Variants in TCF7L1 observed in about 807,000 individuals in gnomAD.
TCF7L1 encodes transcription factor 7-like 1.
TCF7L1 carries 18 observed loss-of-function variants against 63.7 expected under a neutral mutation model. The observed-to-expected ratio is 0.28, with a 90% confidence interval of 0.20 to 0.42. TCF7L1 has a LOEUF of 0.42. TCF7L1 is among the 10% of genes least tolerant of loss of function. The pLI is 1.00. For missense variants in TCF7L1, 654 were observed against 779.3 expected, an observed-to-expected ratio of 0.84 and a Z score of 1.91; for synonymous variants, 355 against 340.9, an observed-to-expected ratio of 1.04 and a Z score of -0.46.
In TCF7L1 at chr2:85,308,467, C is replaced by T. The variant is rs1573037255; in HGVS notation, c.1334-562C>T. 3.6e-5 allele frequency among the ~76,000 whole-genome samples: 4 copies of T among 111,422 alleles called. No homozygotes were observed. The Admixed American group carries it at 3.7e-4, about 10-fold the overall frequency. 73.1% of individuals were successfully genotyped at this position (111,422 alleles called of 152,430 possible). ...TTTCTCTTTCCCTCCCTCTCTTTCCCTCCCTCTCCCCCTCCTTCCCTCCCT... is the reference window on the plus strand; with the variant it reads ...TTTCTCTTTCCCTCCCTCTCTTTCCTTCCCTCTCCCCCTCCTTCCCTCCCT... On this transcript the variant is annotated intron_variant, in intron 11 of 11. Coordinates refer to ENST00000282111, the MANE Select transcript of TCF7L1 (RefSeq NM_031283.3).
chr2:85,150,894 A>G (rs1463018688), intron 3 of TCF7L1, among the ~76,000 whole-genome samples: 1 of 152,166 alleles, frequency 6.6e-6, no homozygotes, highest in Non-Finnish European at 1.5e-5. Context: ...GCCAGAAACA[A>G]TTTCCACTGT....
At chr2:85,244,724 A>G (rs1426752715) in intron 3 of TCF7L1, among the ~76,000 whole-genome samples, 1 of 152,162 alleles carries the variant, frequency 6.6e-6, no homozygotes, top group Non-Finnish European at 1.5e-5. Context: ...GGTCTAGGTT[A>G]GAGACAGAGA....
intron 3 of TCF7L1, among the ~76,000 whole-genome samples, chr2:85,226,687 A>G (rs900667391): frequency 5.3e-5 from 8 of 151,792 alleles, no homozygotes; most frequent in South Asian, 2.1e-4. Flanking sequence ...CCTAGGTCCT[A>G]TGTATTCTCT....
intron 3 of TCF7L1, among the ~76,000 whole-genome samples, chr2:85,154,866 G>C (rs1213150022): frequency 6.6e-6 from 1 of 151,864 alleles, no homozygotes; most frequent in African/African-American, 2.4e-5. Flanking sequence ...GCTTAGGCCA[G>C]AGTGCGGTAG....
intron 5 of TCF7L1, among the ~76,000 whole-genome samples, chr2:85,302,933 A>G (rs905356971): frequency 6.6e-6 from 1 of 152,222 alleles, no homozygotes; most frequent in African/African-American, 2.4e-5. Flanking sequence ...GCTTCCCTAC[A>G]CCAAGACATG....
rs192928642 is a variant in TCF7L1, at chr2:85,289,299, G to A, written c.525+5721G>A. ...GATGACCAAAATGCTTCCTGTCCAG[G>A]TAGATGCCTAATAAATTCTGCTGAG... On this transcript the variant is annotated intron_variant, in intron 4 of 11. Transcript: ENST00000282111. Among the ~76,000 whole-genome samples, 32 of 151,820 alleles carry A rather than the reference G, an allele frequency of 2.1e-4. No individual in the cohort carries two copies. The East Asian group carries it at 5.8e-3, about 28-fold the overall frequency.
chr2:85,146,117 T>C (rs1677874468), intron 3 of TCF7L1, among the ~76,000 whole-genome samples: 1 of 152,228 alleles, frequency 6.6e-6, no homozygotes, highest in African/African-American at 2.4e-5. Flanking sequence ...AACATCAATA[T>C]TAAAAAATAG....
chr2:85,164,777 G>A (rs961704887), intron 3 of TCF7L1, among the ~76,000 whole-genome samples: 5 of 152,226 alleles, frequency 3.3e-5, no homozygotes, highest in Non-Finnish European at 5.9e-5. Context: ...ATGTTTGTGG[G>A]TACATAGTAC....
intron 3 of TCF7L1, among the ~76,000 whole-genome samples, chr2:85,178,621 G>T (rs960295062): frequency 1.3e-5 from 2 of 152,180 alleles, no homozygotes; most frequent in African/African-American, 4.8e-5. Flanking sequence ...TATTTAATGA[G>T]CACTTACTAG....
At chr2:85,188,437 C>A (rs1232029833) in intron 3 of TCF7L1, among the ~76,000 whole-genome samples, 2 of 152,144 alleles carry the variant, frequency 1.3e-5, no homozygotes, top group African/African-American at 4.8e-5. Flanking sequence ...TTTCCAACTT[C>A]CTATGAATCT....
chr2:85,307,428 G>T (rs1042898112), intron 10 of TCF7L1, among the ~76,000 whole-genome samples: 1 of 152,092 alleles, frequency 6.6e-6, no homozygotes, highest in South Asian at 2.1e-4. Flanking sequence ...CTGGACACCC[G>T]ACCTGGAGGG....
chr2:85,286,215 C>T (rs1360264710), intron 4 of TCF7L1, among the ~76,000 whole-genome samples: 1 of 148,216 alleles, frequency 6.7e-6, no homozygotes, highest in Non-Finnish European at 1.5e-5. Context: ...AAAAAATCGG[C>T]GTGGTGGTAC....
rs1163861595 is a variant in TCF7L1 at position 85,298,869 on chromosome 2, C to T, written c.526-3615C>T. On this transcript the variant is annotated intron_variant, in intron 4 of 11. Transcript: ENST00000282111. ...TAATGAGCAGGAACTTTTATTGGGACAGAAGCCTGCAAGGAGAACCTTCCT... is the reference window on the plus strand; with the variant it reads ...TAATGAGCAGGAACTTTTATTGGGATAGAAGCCTGCAAGGAGAACCTTCCT... Among the ~76,000 whole-genome samples, 3 of 152,020 alleles carry T rather than the reference C, an allele frequency of 2.0e-5. No homozygotes were observed. In the East Asian group the frequency reaches 5.8e-4, roughly 30 times the overall value.
At chr2:85,221,703 T>C (rs189488697) in intron 3 of TCF7L1, among the ~76,000 whole-genome samples, 14 of 152,160 alleles carry the variant, frequency 9.2e-5, no homozygotes, top group African/African-American at 3.1e-4. Context: ...CCTCTTAAAG[T>C]TTCCACTTCT....
intron 3 of TCF7L1, among the ~76,000 whole-genome samples, chr2:85,238,108 G>GCC (rs60994608): frequency 0.046 from 6,968 of 152,220 alleles, 541 homozygotes; most frequent in African/African-American, 0.16. Flanking sequence ...ACCCAGAGCA[G>GCC]CCCTGGCGCA....
chr2:85,175,490 G>A (rs545891028), intron 3 of TCF7L1, among the ~76,000 whole-genome samples: 1 of 152,278 alleles, frequency 6.6e-6, no homozygotes, highest in East Asian at 1.9e-4. Flanking sequence ...CCTCCCTCCT[G>A]GTCATAGGCT....
At chr2:85,307,366 C>G (rs1468342867) in intron 10 of TCF7L1, among the ~76,000 whole-genome samples, 1 of 152,118 alleles carries the variant, frequency 6.6e-6, no homozygotes, top group African/African-American at 2.4e-5. Flanking sequence ...GGGAGAGAAA[C>G]AGAAAAACAG....
intron 3 of TCF7L1, among the ~76,000 whole-genome samples, chr2:85,145,884 A>T (rs72838194): frequency 0.027 from 4,149 of 150,964 alleles, 87 homozygotes; most frequent in Non-Finnish European, 0.036. Flanking sequence ...TTGTTTATTT[A>T]AAAAAAAATA....
intron 3 of TCF7L1, among the ~76,000 whole-genome samples, chr2:85,209,821 C>T (rs1041108285): frequency 6.6e-6 from 1 of 152,132 alleles, no homozygotes; most frequent in African/African-American, 2.4e-5. Flanking sequence ...TGATTTATTT[C>T]CTCTAAAAAT....
Sources: gnomAD v4.1 joint callset for allele counts (sites outside exome capture counted in the v4.1 genomes callset) on GRCh38, gnomAD v4.1.1 for gene constraint, MANE v1.5 for transcripts, NCBI Gene and HGNC (gene_info 2026-07-23, HGNC 2026-07-21) for gene names.